Variants in SLC16A3 observed in about 807,000 individuals in gnomAD.
SLC16A3 encodes solute carrier family 16 member 3.
A neutral mutation model predicts 25.0 loss-of-function variants in SLC16A3; 22 were observed. The observed-to-expected ratio is 0.88, with a 90% CI of 0.63 to 1.26. The LOEUF (loss-of-function observed/expected upper bound fraction) is 1.26, where lower values mean the gene tolerates loss of function less well. SLC16A3 is among the 50% of genes most tolerant of loss of function. SLC16A3 has a pLI of 0.00. For synonymous variants in SLC16A3, 390 were observed against 309.2 expected, an observed-to-expected ratio of 1.26 and a Z score of -2.74; for missense variants, 731 against 666.6, an observed-to-expected ratio of 1.10 and a Z score of -1.06.
rs1568539847 is a variant in SLC16A3 at position 82,237,300 on chromosome 17, G to A, written c.530G>A (p.Arg177Gln). 2 of 1,555,064 alleles carry A rather than the reference G, an allele frequency of 1.3e-6. No individual in the cohort carries two copies. Among genetic ancestry groups the A allele is most frequent in the Non-Finnish European group, 1.7e-6 (2 of 1,149,722 alleles). Residue 177 changes from arginine to glutamine, a missense_variant, in exon 4 of 5, where the codon CGG (arginine) becomes CAG (glutamine). Arg to Gln is a conservative substitution (Grantham distance 43, BLOSUM62 1). Transcript: ENST00000582743. ...GQLLQDRYGW[R>Q]GGFLILGGLL... is the part of the protein sequence containing the mutation. ...CTGCTGCAGGACCGCTACGGCTGGC[G>A]GGGCGGCTTCCTCATCCTGGGCGGC...
upstream of SLC16A3, among the ~76,000 whole-genome samples, chr17:82,226,119 C>T (rs1462935584): frequency 6.6e-6 from 1 of 151,974 alleles, no homozygotes; most frequent in African/African-American, 2.4e-5. Flanking sequence ...CCTAGGAGGA[C>T]ATTCCAGGGC....
upstream of SLC16A3, among the ~76,000 whole-genome samples, chr17:82,224,761 C>T (rs979263593): frequency 1.1e-4 from 16 of 152,136 alleles, no homozygotes; most frequent in African/African-American, 3.1e-4. Context: ...CATGCACAGA[C>T]GCACCCCAAC....
intron 1 of SLC16A3, among the ~76,000 whole-genome samples, chr17:82,222,978 G>A (rs1307682739): frequency 6.6e-6 from 1 of 151,732 alleles, no homozygotes; most frequent in African/African-American, 2.4e-5. Flanking sequence ...CAGCAGATGG[G>A]TGGATACCGG....
intron 1 of SLC16A3, chr17:82,231,492 T>C (rs1451348977): frequency 6.6e-6 from 1 of 152,158 alleles, no homozygotes; most frequent in Admixed American, 6.5e-5. Context: ...GCACTGGCTT[T>C]AGGGTGGAGG....
chr17:82,239,938 T>C lies in SLC16A3; in HGVS notation c.*962T>C. On this transcript the variant is annotated 3_prime_UTR_variant, in exon 5 of 5. Coordinates refer to ENST00000582743, the MANE Select transcript of SLC16A3 (RefSeq NM_004207.4). Reference sequence around the variant, plus strand: ...CCTGCCCTCGTGGCCAGCAGTGGCCTGCGTGGCTGGGAGCCCGGTCAGAGG... The same window carrying C: ...CCTGCCCTCGTGGCCAGCAGTGGCCCGCGTGGCTGGGAGCCCGGTCAGAGG... 1 of 1,183,394 alleles carries C rather than the reference T, an allele frequency of 8.5e-7. No individual in the cohort carries two copies. The highest frequency in any genetic ancestry group is 1.1e-6 in the Non-Finnish European group (1 of 942,152). 73.3% of individuals were successfully genotyped at this position (1,183,394 alleles called of 1,614,324 possible).
intron 1 of SLC16A3, among the ~76,000 whole-genome samples, chr17:82,219,326 A>T (rs2050374605): frequency 6.6e-6 from 1 of 152,038 alleles, no homozygotes; most frequent in African/African-American, 2.4e-5. Flanking sequence ...TGCTGGTGCC[A>T]CCTGGGAAGG....
chr17:82,236,565 T>C lies in SLC16A3; in HGVS notation c.224-164T>C, dbSNP rs1230345409. Reference sequence around the variant, plus strand: ...CCCAGCAGGCGGCGCTCACGTGTCATCATGGCCTGCGCTCGGGGAGCCTGC... The same window carrying C: ...CCCAGCAGGCGGCGCTCACGTGTCACCATGGCCTGCGCTCGGGGAGCCTGC... On this transcript the variant is annotated intron_variant, in intron 2 of 4. Coordinates refer to ENST00000582743, the MANE Select transcript of SLC16A3 (RefSeq NM_004207.4). 5 of 1,002,684 alleles carry C rather than the reference T, an allele frequency of 5.0e-6. No homozygotes were observed. The African/African-American group carries it at 6.5e-5, about 13-fold the overall frequency. The allele number at this position is 1,002,684 out of a possible 1,614,324, so 62.1% of individuals were successfully genotyped here. A position where few individuals can be genotyped will look rare whatever the true frequency, so the allele number is the denominator to read the frequency against.
chr17:82,228,837 C>T (rs140846944), upstream of SLC16A3, among the ~76,000 whole-genome samples: 4,759 of 150,642 alleles, frequency 0.032, 76 homozygotes, highest in South Asian at 0.074. Context: ...GGGGCGCCGA[C>T]GGGGCCGGTT....
intron 1 of SLC16A3, chr17:82,234,370 C>T (rs914378985): frequency 3.3e-5 from 5 of 152,458 alleles, no homozygotes; most frequent in Admixed American, 6.6e-5. Flanking sequence ...CCGGGTTTCC[C>T]AGAAATGGTT....
Position 82,233,051 on chromosome 17 carries a change from C to G in SLC16A3, c.-26-2932C>G, listed in dbSNP as rs147255284. ...GGTTGTCCCTGGAACACCGGGCAGTCTGTACCTTGGCCCATCACGGTGCCG... is the reference window on the plus strand; with the variant it reads ...GGTTGTCCCTGGAACACCGGGCAGTGTGTACCTTGGCCCATCACGGTGCCG... On this transcript the variant is annotated intron_variant, in intron 1 of 4. Transcript: ENST00000582743. Among the ~76,000 whole-genome samples, 1,203 of 152,268 alleles carry G rather than the reference C, an allele frequency of 7.9e-3. 7 individuals carry two copies. Among genetic ancestry groups the G allele is most frequent in the Non-Finnish European group, 9.9e-3 (673 of 67,996 alleles).
In SLC16A3 at chr17:82,237,446, C is replaced by G. The variant is rs377324766; in HGVS notation, c.676C>G (p.Arg226Gly). ...GCTAGACCTGAGCGTCTTCCGGGAC[C>G]GCGGCTTTGTGCTTTACGCCGTGGC... ...RLLDLSVFRD[R>G]GFVLYAVAAS... is the part of the protein sequence containing the mutation. The change falls in exon 4 of 5, where the codon CGC becomes GGC. Residue 226 changes from arginine (R) to glycine (G), a missense_variant. By Grantham distance (125) the Arg-to-Gly change is moderately radical (BLOSUM62 -2). Coordinates refer to ENST00000582743, the MANE Select transcript of SLC16A3 (RefSeq NM_004207.4). 1 of 1,597,522 alleles carries G rather than the reference C, an allele frequency of 6.3e-7. No individual in the cohort carries two copies. The highest frequency in any genetic ancestry group is 8.5e-7 in the Non-Finnish European group (1 of 1,173,918).
Position 82,240,075 on chromosome 17 carries a change from G to A in SLC16A3, c.*1099G>A. On this transcript the variant is annotated 3_prime_UTR_variant, in exon 5 of 5. Transcript: ENST00000582743. ...TGTCCCTGCTCCTCTGCAATGAAAA[G>A]CAAGCGAAAAGTGCACATCTCAGGT... is the stretch of plus-strand genomic sequence containing the variant. 10 of 1,233,734 alleles carry A rather than the reference G, an allele frequency of 8.1e-6. No homozygotes were observed. Among genetic ancestry groups the A allele is most frequent in the Non-Finnish European group, 1.0e-5 (10 of 987,824 alleles). The allele number at this position is 1,233,734 out of a possible 1,614,324, so 76.4% of individuals were successfully genotyped here.
At chr17:82,229,703 C>T (rs1382666943) in intron 1 of SLC16A3, 2 of 152,346 alleles carry the variant, frequency 1.3e-5, no homozygotes, top group Non-Finnish European at 2.9e-5. Context: ...CTACCTCCAC[C>T]CCTGGCCCCC....
intron 1 of SLC16A3, among the ~76,000 whole-genome samples, chr17:82,218,545 G>T (rs192202386): frequency 6.6e-6 from 1 of 152,166 alleles, no homozygotes; most frequent in African/African-American, 2.4e-5. Context: ...GCGCAGGGGT[G>T]CACAGAGCCC....
intron 1 of SLC16A3, 115 bp from the exon 2 acceptor site, chr17:82,235,868 C>A: frequency 3.0e-6 from 2 of 676,634 alleles, no homozygotes; most frequent in Non-Finnish European, 5.1e-6. Flanking sequence ...GTGTGGGTGC[C>A]GGGCAGCTGC....
intron 1 of SLC16A3, chr17:82,232,492 C>T (rs915507923): frequency 2.0e-5 from 3 of 152,382 alleles, no homozygotes; most frequent in African/African-American, 7.2e-5. Context: ...GGTTCAGGAC[C>T]CTCTGTGCAT....
In SLC16A3 at chr17:82,237,118, C is replaced by T. The variant is rs1204528385; in HGVS notation, c.368-20C>T. 6.7e-7 allele frequency: 1 copy of T among 1,493,598 alleles called. No homozygotes were observed. The highest frequency in any genetic ancestry group is 2.4e-5 in the East Asian group (1 of 41,816). The allele number at this position is 1,493,598 out of a possible 1,614,324, so 92.5% of individuals were successfully genotyped here. ...TTGGGGCAGCCTTGGGGGGCTCTCA[C>T]CACATTCCCTTTCCTCCAGGGTTGG... On this transcript the variant is annotated intron_variant, in intron 3 of 4. Transcript: ENST00000582743.
chr17:82,237,676 GTTC>G lies in SLC16A3; in HGVS notation c.910_912del (p.Phe304del). ...CCGTCTACCTCTTCAGCTTCTCCAT[GTTC>G]TTCAACGGCCTCGCGGACCTGGCGG... On this transcript the variant is annotated inframe_deletion, in exon 4 of 5. Coordinates refer to ENST00000582743, the MANE Select transcript of SLC16A3 (RefSeq NM_004207.4). The G allele has an allele frequency of 1.2e-6, 2 of 1,612,856 alleles. No individual in the cohort carries two copies. Among genetic ancestry groups the G allele is most frequent in the Non-Finnish European group, 1.7e-6 (2 of 1,179,800 alleles).
At chr17:82,235,914 C>T in intron 1 of SLC16A3, 69 bp from the exon 2 acceptor site, 1 of 1,094,354 alleles carries the variant, frequency 9.1e-7, no homozygotes, top group African/African-American at 1.6e-5. Context: ...CAGCTCGTGT[C>T]CCTCCCCTGC....
Sources: gnomAD v4.1 joint callset for allele counts (sites outside exome capture counted in the v4.1 genomes callset) on GRCh38, gnomAD v4.1.1 for gene constraint, MANE v1.5 for transcripts, NCBI Gene and HGNC (gene_info 2026-07-23, HGNC 2026-07-21) for gene names.